MAP4K3: variants seen among roughly 807,000 people sequenced by gnomAD.
The protein encoded by MAP4K3 is MAPK/ERK kinase kinase kinase 3.
A neutral mutation model predicts 143.5 loss-of-function variants in MAP4K3; 94 were observed. The observed-to-expected ratio is 0.65, with a 90% CI of 0.55 to 0.78. The LOEUF is 0.78. Ranked by LOEUF, MAP4K3 falls within the 30% of genes least tolerant of loss-of-function variation. The probability of loss-of-function intolerance (pLI) is 0.00; values close to 1 mark genes in which losing one functional copy is unlikely to be tolerated. For synonymous variants in MAP4K3, 416 were observed against 347.2 expected (o/e 1.20, Z -2.20); for missense variants, 1,077 against 1,068.1 (o/e 1.01, Z -0.12).
intron 32 of MAP4K3, among the ~76,000 whole-genome samples, chr2:39,254,043 G>A (rs763371669): frequency 3.3e-5 from 5 of 152,168 alleles, no homozygotes; most frequent in African/African-American, 7.2e-5. Flanking sequence ...GAGAAATATA[G>A]GACTCTTTAC....
intron 15 of MAP4K3, among the ~76,000 whole-genome samples, chr2:39,307,164 C>T (rs1682741229): frequency 6.6e-6 from 1 of 152,140 alleles, no homozygotes; most frequent in Admixed American, 6.5e-5. Flanking sequence ...AAGGAAAATT[C>T]CATTTAAAAG....
At chr2:39,416,002 T>TATATATAA (rs1553318623) in intron 1 of MAP4K3, among the ~76,000 whole-genome samples, 3 of 91,152 alleles carry the variant, frequency 3.3e-5, no homozygotes, top group African/African-American at 9.4e-5. Flanking sequence ...TATATATATA[T>TATATATAA]ATAAAAATAA....
chr2:39,423,042 G>A (rs1216890570), intron 1 of MAP4K3, among the ~76,000 whole-genome samples: 1 of 152,008 alleles, frequency 6.6e-6, no homozygotes, highest in Admixed American at 6.6e-5. Context: ...TAGAGGACAT[G>A]TATCCAAAAT....
At chr2:39,392,183 C>CAAAAAAA (rs3086434) in intron 1 of MAP4K3, among the ~76,000 whole-genome samples, 1,035 of 68,988 alleles carry the variant, frequency 0.015, 71 homozygotes, top group Middle Eastern at 0.023. Flanking sequence ...CACTCCTACT[C>CAAAAAAA]AAAAAAAAAA....
chr2:39,258,638 G>T, intron 29 of MAP4K3, 51 bp from the exon 30 acceptor site: 1 of 1,217,012 alleles, frequency 8.2e-7, no homozygotes, highest in Non-Finnish European at 1.2e-6. Flanking sequence ...GATACTTAAA[G>T]CATGGAAACA....
At chr2:39,263,036 G>C (rs1680628567) in intron 28 of MAP4K3, among the ~76,000 whole-genome samples, 1 of 151,734 alleles carries the variant, frequency 6.6e-6, no homozygotes, top group Non-Finnish European at 1.5e-5. Context: ...AGGGTGCAGT[G>C]AGCTGAGATC....
At chr2:39,412,498 G>GTTTT (rs1420058906) in intron 1 of MAP4K3, among the ~76,000 whole-genome samples, 1 of 151,456 alleles carries the variant, frequency 6.6e-6, no homozygotes, top group Non-Finnish European at 1.5e-5. Flanking sequence ...CTAGGCAGGA[G>GTTTT]GAAAAGCAAA....
chr2:39,374,665 G>C (rs1666171653), intron 2 of MAP4K3, among the ~76,000 whole-genome samples: 1 of 151,904 alleles, frequency 6.6e-6, no homozygotes, highest in African/African-American at 2.4e-5. Flanking sequence ...CTGGGCAACA[G>C]AGCAAGACTC....
chr2:39,367,752 CTG>C (rs1456109067), intron 2 of MAP4K3, among the ~76,000 whole-genome samples: 5 of 152,068 alleles, frequency 3.3e-5, no homozygotes, highest in East Asian at 1.9e-4. Context: ...TACCCTAATG[CTG>C]TGTTTCCCAA....
chr2:39,271,081 G>C (rs1282069497), intron 26 of MAP4K3, among the ~76,000 whole-genome samples: 4 of 152,074 alleles, frequency 2.6e-5, no homozygotes, highest in Non-Finnish European at 5.9e-5. Flanking sequence ...CCCATATCTA[G>C]TAAGTCAATG....
intron 28 of MAP4K3, among the ~76,000 whole-genome samples, chr2:39,262,221 G>T (rs1680599044): frequency 1.3e-5 from 2 of 152,156 alleles, no homozygotes; most frequent in Non-Finnish European, 1.5e-5. Context: ...ATCCTAACAG[G>T]TAGTTTTAAA....
intron 16 of MAP4K3, among the ~76,000 whole-genome samples, chr2:39,294,701 T>C (rs1682195573): frequency 6.6e-6 from 1 of 152,232 alleles, no homozygotes; most frequent in Non-Finnish European, 1.5e-5. Context: ...GAAGGTCTAC[T>C]GAATTAATGT....
chr2:39,258,826 T>C (rs1348830940), intron 29 of MAP4K3, among the ~76,000 whole-genome samples: 6 of 152,218 alleles, frequency 3.9e-5, no homozygotes, highest in Admixed American at 3.9e-4. Flanking sequence ...GCGGAACACA[T>C]GGATACAGAA....
intron 29 of MAP4K3, among the ~76,000 whole-genome samples, chr2:39,258,877 A>G: frequency 6.6e-6 from 1 of 152,230 alleles, no homozygotes; most frequent in Non-Finnish European, 1.5e-5. Flanking sequence ...AAAATATCCT[A>G]TAATGCAACT....
Position 39,287,020 on chromosome 2 carries a change from G to GA in MAP4K3, c.1475-57dup, listed in dbSNP as rs1681811100. The GA allele has an allele frequency of 5.4e-6, 6 of 1,120,472 alleles. No homozygotes were observed. The Admixed American group carries it at 1.2e-4, about 23-fold the overall frequency. 69.4% of individuals were successfully genotyped at this position (1,120,472 alleles called of 1,614,324 possible). A position where few individuals can be genotyped will look rare whatever the true frequency, so the allele number is the denominator to read the frequency against. ...TAATCTTCATGAAAACTTTTATTCA[G>GA]AAAGTTATCAAGTAGGAAAGAAAAA... On this transcript the variant is annotated intron_variant, in intron 20 of 33. Coordinates refer to ENST00000263881, the MANE Select transcript of MAP4K3 (RefSeq NM_003618.4).
intron 1 of MAP4K3, among the ~76,000 whole-genome samples, chr2:39,389,516 G>A (rs941372578): frequency 1.3e-5 from 2 of 151,798 alleles, no homozygotes; most frequent in African/African-American, 2.4e-5. Flanking sequence ...AAAAACTAAA[G>A]AAAAAGAAGT....
In MAP4K3 at chr2:39,294,559, G is replaced by T. The variant is rs191265590; in HGVS notation, c.1179-1291C>A. 3.9e-5 allele frequency among the ~76,000 whole-genome samples: 6 copies of T among 152,176 alleles called. No homozygotes were observed. The South Asian group carries it at 1.2e-3, about 32-fold the overall frequency. On this transcript the variant is annotated intron_variant, in intron 16 of 33. Coordinates refer to ENST00000263881, the MANE Select transcript of MAP4K3 (RefSeq NM_003618.4). ...TGCAGACAGGCTTTAAAGCCAAGAC[G>T]GCCTGAATCTGAATCCTGCCTTCAC...
chr2:39,268,634 A>ATTTTTTTTTTTCTTTTTTTTTT (rs1680878686), intron 26 of MAP4K3, among the ~76,000 whole-genome samples: 1 of 73,772 alleles, frequency 1.4e-5, no homozygotes, highest in African/African-American at 5.2e-5. Context: ...GATTTTTTCT[A>ATTTTTTTTTTTCTTTTTTTTTT]TTTTTTTTTT....
chr2:39,390,117 ACC>A lies in MAP4K3; in HGVS notation c.97-11996_97-11995del, dbSNP rs1488145295. 3.9e-5 allele frequency among the ~76,000 whole-genome samples: 6 copies of A among 152,236 alleles called. No homozygotes were observed. The East Asian group carries it at 1.2e-3, about 29-fold the overall frequency. ...CAGTGATTCTTAATTGAGGATACTA[ACC>A]CCATAAAAATGGAAAGGAGGTGTTT... On this transcript the variant is annotated intron_variant, in intron 1 of 33. Transcript: ENST00000263881.
Sources: gnomAD v4.1 joint callset for allele counts (sites outside exome capture counted in the v4.1 genomes callset) on GRCh38, gnomAD v4.1.1 for gene constraint, MANE v1.5 for transcripts, NCBI Gene and HGNC (gene_info 2026-07-23, HGNC 2026-07-21) for gene names.